Variants in CLGN observed in about 807,000 individuals in gnomAD.
CLGN encodes calmegin.
A neutral mutation model predicts 79.1 loss-of-function variants in CLGN; 62 were observed. That is an observed-to-expected ratio of 0.78 (90% CI 0.64 to 0.97). The LOEUF is 0.97. Ranked by LOEUF, CLGN falls within the 50% of genes least tolerant of loss-of-function variation. The pLI is 0.00. For synonymous variants in CLGN, 225 were observed against 224.7 expected (o/e 1.00, Z -0.01); for missense variants, 647 against 715.5 (o/e 0.90, Z 1.09).
chr4:140,418,049 A>G (rs1397277195), intron 1 of CLGN, among the ~76,000 whole-genome samples: 1 of 152,046 alleles, frequency 6.6e-6, no homozygotes, highest in East Asian at 1.9e-4. Flanking sequence ...ATAACGCCGC[A>G]TATCTACAAC....
chr4:140,411,919 A>T (rs1464331332), intron 2 of CLGN, among the ~76,000 whole-genome samples: 1 of 152,144 alleles, frequency 6.6e-6, no homozygotes, highest in Middle Eastern at 3.2e-3. Flanking sequence ...CTATAAAATT[A>T]GAAGCATCAA....
intron 5 of CLGN, 136 bp downstream of exon 5, chr4:140,405,806 C>A (rs1729096026): frequency 4.0e-6 from 3 of 751,344 alleles, no homozygotes; most frequent in Non-Finnish European, 6.3e-6. Context: ...TGTATATGCA[C>A]ATTTGTGTTT....
At chr4:140,408,575 T>C (rs973250264) in intron 4 of CLGN, among the ~76,000 whole-genome samples, 6 of 151,836 alleles carry the variant, frequency 4.0e-5, no homozygotes, top group Non-Finnish European at 5.9e-5. Context: ...GTTTAGAAAA[T>C]GCTCAACATC....
chr4:140,396,057 T>C (rs748821241), intron 9 of CLGN, 35 bp downstream of exon 9: 1 of 1,610,258 alleles, frequency 6.2e-7, no homozygotes, highest in Admixed American at 1.7e-5. Flanking sequence ...GTAAGAAACA[T>C]TTGAAATCGA....
chr4:140,408,372 A>C (rs1729146685), intron 4 of CLGN, among the ~76,000 whole-genome samples: 1 of 152,120 alleles, frequency 6.6e-6, no homozygotes, highest in Non-Finnish European at 1.5e-5. Flanking sequence ...CGAAAGAAAT[A>C]ATCATCAGAG....
intron 8 of CLGN, among the ~76,000 whole-genome samples, chr4:140,396,907 G>GTATA (rs10640037): frequency 0.03 from 3,543 of 117,204 alleles, 122 homozygotes; most frequent in African/African-American, 0.076. Flanking sequence ...ATATATATAT[G>GTATA]TATATATATA....
At chr4:140,400,767 G>A (rs561930144) in intron 6 of CLGN, among the ~76,000 whole-genome samples, 1 of 152,100 alleles carries the variant, frequency 6.6e-6, no homozygotes, top group East Asian at 1.9e-4. Flanking sequence ...CTGACGATGT[G>A]GGACAGAAGC....
intron 1 of CLGN, among the ~76,000 whole-genome samples, chr4:140,425,383 G>C (rs1047011919): frequency 6.6e-6 from 1 of 151,874 alleles, no homozygotes; most frequent in Admixed American, 6.6e-5. Context: ...ACTTGGAGGA[G>C]AGTCATTTTA....
chr4:140,404,213 C>A (rs1729051555), intron 5 of CLGN, among the ~76,000 whole-genome samples: 3 of 152,000 alleles, frequency 2.0e-5, no homozygotes, highest in Admixed American at 2.0e-4. Context: ...CCTGCCTCAG[C>A]CTCCCGAGTA....
At chr4:140,402,902 T>C (rs974286522) in intron 5 of CLGN, among the ~76,000 whole-genome samples, 1 of 152,060 alleles carries the variant, frequency 6.6e-6, no homozygotes, top group Non-Finnish European at 1.5e-5. Flanking sequence ...CAAAAAGACA[T>C]GAAAACTAGA....
chr4:140,415,632 A>G (rs980484045), intron 1 of CLGN, among the ~76,000 whole-genome samples: 21 of 150,432 alleles, frequency 1.4e-4, no homozygotes, highest in African/African-American at 5.1e-4. Flanking sequence ...AAAGGGATCA[A>G]TTCAACAAGG....
intron 5 of CLGN, 60 bp from the exon 6 acceptor site, chr4:140,402,126 A>C: frequency 1.2e-6 from 1 of 853,788 alleles, no homozygotes; most frequent in Non-Finnish European, 1.8e-6. Context: ...TTGCTCTTTA[A>C]AATATAATCT....
chr4:140,418,902 A>C (rs940252150), intron 1 of CLGN, among the ~76,000 whole-genome samples: 1 of 152,142 alleles, frequency 6.6e-6, no homozygotes, highest in Non-Finnish European at 1.5e-5. Context: ...ACTCATGCAC[A>C]CGTATGTTTA....
At position 140,396,140 on chromosome 4, in the gene CLGN, T is replaced by A. The variant is rs1026884472; in HGVS notation, c.950A>T (p.Asp317Val). 1 of 1,614,212 alleles carries A rather than the reference T, an allele frequency of 6.2e-7. No individual in the cohort carries two copies. Among genetic ancestry groups the A allele is most frequent in the African/African-American group, 1.3e-5 (1 of 75,064 alleles). ...AGGATCAGGGATAAATTTTGGTTCA[T>A]CATCAAGCCAGCCAGCAGGTTTAAC... ...SVVKPAGWLD[D>V]EPKFIPDPNA... The change falls in exon 9 of 15, where the codon GAT becomes GTT. Residue 317 changes from aspartate to valine, a missense_variant. Coordinates refer to ENST00000325617, the MANE Select transcript of CLGN (RefSeq NM_004362.3).
chr4:140,398,957 G>A lies in CLGN; in HGVS notation c.778C>T (p.Pro260Ser). ...KGSLLEDVVP[P>S]IKPPKEIEDP... ...TCAATTTCTTTGGGAGGTTTGATAG[G>A]AGGAACCACATCCTCTAGGAGGCTT... Residue 260 changes from proline (P) to serine (S), a missense_variant, in exon 8 of 15, where the codon CCT (proline) becomes TCT (serine). Physicochemically the swap from Pro to Ser is moderately conservative, Grantham distance 74. Coordinates refer to ENST00000325617, the MANE Select transcript of CLGN (RefSeq NM_004362.3). 6.2e-7 allele frequency: 1 copy of A among 1,613,808 alleles called. No individual in the cohort carries two copies. The highest frequency in any genetic ancestry group is 2.2e-5 in the East Asian group (1 of 44,834).
chr4:140,422,587 C>T (rs551714331), intron 1 of CLGN, among the ~76,000 whole-genome samples: 1 of 152,114 alleles, frequency 6.6e-6, no homozygotes, highest in East Asian at 1.9e-4. Context: ...TTTTTGTGTG[C>T]TAGTTTTTTT....
intron 7 of CLGN, 42 bp from the exon 8 acceptor site, chr4:140,399,082 A>G (rs778373587): frequency 2.0e-6 from 3 of 1,494,154 alleles, no homozygotes; most frequent in Non-Finnish European, 2.7e-6. Context: ...TCATTTTGAT[A>G]TACGCTTTAA....
chr4:140,396,322 T>C, intron 8 of CLGN, 117 bp from the exon 9 acceptor site: 1 of 886,338 alleles, frequency 1.1e-6, no homozygotes, highest in Non-Finnish European at 1.7e-6. Context: ...CTGTTATTTG[T>C]CCTCATCTAC....
intron 8 of CLGN, 54 bp from the exon 9 acceptor site, chr4:140,396,259 G>A (rs1253321442): frequency 1.5e-6 from 2 of 1,311,542 alleles, no homozygotes; most frequent in African/African-American, 1.5e-5. Flanking sequence ...AAAAATGCAT[G>A]TTACAACACT....
Sources: allele counts gnomAD v4.1 joint callset (sites outside exome capture counted in the v4.1 genomes callset), GRCh38; gene constraint gnomAD v4.1.1; transcripts MANE v1.5; gene names NCBI Gene and HGNC (gene_info 2026-07-23, HGNC 2026-07-21).